The following KRT6C variants were observed in gnomAD, a reference collection of about 807,000 sequenced individuals.
KRT6C encodes keratin, type II cytoskeletal 6C.
A neutral mutation model predicts 49.4 loss-of-function variants in KRT6C; 46 were observed. The ratio of observed to expected loss-of-function variants is 0.93; its 90% confidence interval spans 0.74 to 1.19. The LOEUF (loss-of-function observed/expected upper bound fraction) is 1.19, where lower values mean the gene tolerates loss of function less well. KRT6C is among the 50% of genes most tolerant of loss of function. KRT6C has a pLI of 0.00. For synonymous variants in KRT6C, 236 were observed against 297.1 expected, an observed-to-expected ratio of 0.79 and a Z score of 2.12; for missense variants, 552 against 737.5, an observed-to-expected ratio of 0.75 and a Z score of 2.91.
At chr12:52,472,646 A>C (rs1391601646) in intron 1 of KRT6C, among the ~76,000 whole-genome samples, 1 of 135,340 alleles carries the variant, frequency 7.4e-6, no homozygotes, top group Admixed American at 7.5e-5. Context: ...GAGAGATATT[A>C]TATGTTGACT....
Position 52,469,154 on chromosome 12 carries a change from T to G in KRT6C, c.1603A>C (p.Ile535Leu). The G allele has an allele frequency of 2.5e-6, 4 of 1,613,970 alleles. No homozygotes were observed. The South Asian group carries it at 4.4e-5, about 18-fold the overall frequency. ...CCAACAGAGCTGAGGCCACCCCCAA[T>G]GGCTCTGCCACTGCTGGAACTGAAG... ...GGFSSSSGRA[I>L]GGGLSSVGGG... Residue 535 changes from isoleucine (I) to leucine (L), a missense_variant, in exon 9 of 9, where the codon ATT becomes CTT. Physicochemically the swap from Ile to Leu is conservative, Grantham distance 5 (BLOSUM62 2). This residue lies in a region of KRT6C where 425 missense variants were observed against 439.4 expected (regional missense o/e 0.97). Transcript: ENST00000252250.
At chr12:52,470,135 GGA>G in intron 6 of KRT6C, 3 of 625,220 alleles carry the variant, frequency 4.8e-6, no homozygotes, top group Non-Finnish European at 8.3e-6. Flanking sequence ...ACACTACAAT[GGA>G]CCCAAAAACA....
Position 52,472,126 on chromosome 12 carries a change from C to T in KRT6C, c.695G>A (p.Arg232Gln), listed in dbSNP as rs370835586. The T allele has an allele frequency of 5.0e-5, 79 of 1,576,958 alleles. 1 individual carries two copies. The highest frequency in any genetic ancestry group is 1.7e-4 in the Middle Eastern group (1 of 5,888). ...TCTCAGCTCCGAGTCCAGGCGGCCC[C>T]GTTCCCCGACGATGCTGTCCAGCTG... ...RRQLDSIVGE[R>Q]GRLDSELRNM... is the part of the protein sequence containing the mutation. The change falls in exon 2 of 9, where the codon CGG becomes CAG. Residue 232 changes from arginine (R) to glutamine (Q), a missense_variant. Physicochemically the swap from Arg to Gln is conservative, Grantham distance 43. Transcript: ENST00000252250.
Position 52,469,240 on chromosome 12 carries a change from C to T in KRT6C, c.1517G>A (p.Gly506Asp). ...GCTGCTTCCTCCACCCAGGCCTAAGCCACTGCCGACACCGCTGGCACCGCC... is the reference window on the plus strand; with the variant it reads ...GCTGCTTCCTCCACCCAGGCCTAAGTCACTGCCGACACCGCTGGCACCGCC... ...GYGGASGVGS[G>D]LGLGGGSSYS... Residue 506 changes from glycine (G) to aspartate (D), a missense_variant, in exon 9 of 9, where the codon GGC becomes GAC. This residue lies in a region of KRT6C where 425 missense variants were observed against 439.4 expected (regional missense o/e 0.97). Coordinates refer to ENST00000252250, the MANE Select transcript of KRT6C (RefSeq NM_173086.5). 1.2e-6 allele frequency: 2 copies of T among 1,613,934 alleles called. No homozygotes were observed. The highest frequency in any genetic ancestry group is 8.5e-7 in the Non-Finnish European group (1 of 1,179,830).
Position 52,473,782 on chromosome 12 carries a change from G to A in KRT6C, c.-45C>T. 1 of 1,613,884 alleles carries A rather than the reference G, an allele frequency of 6.2e-7. No individual in the cohort carries two copies. Among genetic ancestry groups the A allele is most frequent in the Non-Finnish European group, 8.5e-7 (1 of 1,179,976 alleles). On this transcript the variant is annotated 5_prime_UTR_variant, in exon 1 of 9. Coordinates refer to ENST00000252250, the MANE Select transcript of KRT6C (RefSeq NM_173086.5). ...GCTGTGGCGAGCGTTGGAGGCTGGA[G>A]GCGAGAGGCAGGAGAAGCAGGACAA...
Position 52,469,095 on chromosome 12 carries a change from G to C in KRT6C, c.1662C>G (p.Thr554=). 1 of 1,614,090 alleles carries C rather than the reference G, an allele frequency of 6.2e-7. No individual in the cohort carries two copies. The highest frequency in any genetic ancestry group is 8.5e-7 in the Non-Finnish European group (1 of 1,179,972). ...TGTAGCTCTTCCTGCTGGAGGAGGA[G>C]GTGGTGGTGTACTTGATGGTGGAAC... ...GGSSTIKYTT[T]SSSSRKSYKH The change falls in exon 9 of 9, where the codon ACC becomes ACG. Residue 554 remains threonine (T), a synonymous_variant. Coordinates refer to ENST00000252250, the MANE Select transcript of KRT6C (RefSeq NM_173086.5).
intron 7 of KRT6C, 99 bp from the exon 8 acceptor site, chr12:52,469,544 T>C: frequency 9.9e-6 from 16 of 1,612,666 alleles, no homozygotes; most frequent in Non-Finnish European, 1.3e-5. Context: ...CATGGGAAAC[T>C]GCTCTTTTAG....
Position 52,470,581 on chromosome 12 carries a change from T to C in KRT6C, c.1127A>G (p.Asn376Ser). Residue 376 changes from asparagine to serine, a missense_variant, in exon 6 of 9, where the codon AAC (asparagine) becomes AGC (serine). Transcript: ENST00000252250. ...TAGRHGDDLR[N>S]TKQEIAEINR... ...GATCTCAGCAATCTCCTGCTTGGTG[T>C]TGCGCAGGTCGTCCCCATGTCTGCC... The C allele has an allele frequency of 6.2e-7, 1 of 1,614,048 alleles. No homozygotes were observed. Among genetic ancestry groups the C allele is most frequent in the Non-Finnish European group, 8.5e-7 (1 of 1,180,018 alleles).
rs182926030 is a variant in KRT6C at position 52,471,209 on chromosome 12, T to C, written c.1000A>G (p.Ile334Val). Reference protein sequence around the residue: ...NNRNLDLDSIIAEVKAQYEEI... With the variant: ...NNRNLDLDSIVAEVKAQYEEI... The stretch of plus-strand genomic sequence containing the variant: ...TCGTATTGGGCCTTGACCTCAGCGA[T>C]GATGCTGTCCAGGTCCAGGTTGCGG... The change falls in exon 5 of 9, where the codon ATC becomes GTC. Residue 334 changes from isoleucine to valine, a missense_variant. Transcript: ENST00000252250. The C allele has an allele frequency of 6.2e-7, 1 of 1,614,206 alleles. No individual in the cohort carries two copies.
Position 52,471,416 on chromosome 12 carries a change from C to A in KRT6C, c.912+5G>T, listed in dbSNP as rs544236255. The A allele has an allele frequency of 2.5e-5, 40 of 1,614,006 alleles. 1 individual carries two copies. The highest frequency in any genetic ancestry group is 3.1e-5 in the Non-Finnish European group (37 of 1,179,936). ...AGTAAACAGAAGGATGGTGGAGATG[C>A]TTACTGCATCATACAAGGCTCTCAG... On this transcript the variant is annotated splice_donor_5th_base_variant and intron_variant, in intron 4 of 8. Transcript: ENST00000252250.
chr12:52,472,144 T>C lies in KRT6C; in HGVS notation c.677A>G (p.Asp226Gly). The C allele has an allele frequency of 6.6e-7, 1 of 1,522,338 alleles. No individual in the cohort carries two copies. Among genetic ancestry groups the C allele is most frequent in the Non-Finnish European group, 9.1e-7 (1 of 1,104,046 alleles). 94.3% of individuals were successfully genotyped at this position (1,522,338 alleles called of 1,614,324 possible). The part of the protein sequence containing the change: ...QYINNLRRQL[D>G]SIVGERGRLD... ...GCGGCCCCGTTCCCCGACGATGCTG[T>C]CCAGCTGCCTCCTGAGGTTGTTGAT... The change falls in exon 2 of 9, where the codon GAC (aspartate) becomes GGC (glycine). Residue 226 changes from aspartate (D) to glycine (G), a missense_variant. Transcript: ENST00000252250.
At chr12:52,469,970 C>T in intron 6 of KRT6C, 80 bp from the exon 7 acceptor site, 2 of 1,498,966 alleles carry the variant, frequency 1.3e-6, no homozygotes. Context: ...AACCAGGGTC[C>T]TGTAACCCAA....
chr12:52,473,023 TG>T (rs1937914553), intron 1 of KRT6C, among the ~76,000 whole-genome samples, 174 bp downstream of exon 1: 2 of 149,544 alleles, frequency 1.3e-5, no homozygotes, highest in Admixed American at 6.7e-5. Flanking sequence ...AGAGATCCCA[TG>T]GGGGAGTGAT....
In KRT6C at chr12:52,469,461, C is replaced by A; in HGVS notation, c.1425-16G>T. On this transcript the variant is annotated splice_polypyrimidine_tract_variant and intron_variant, in intron 7 of 8. Transcript: ENST00000252250. ...GCCATTCAGCCTGTGGAGAGGAACA[C>A]AGGGAGGGTGAGACCTCAGAGAGCT... The A allele has an allele frequency of 6.2e-7, 1 of 1,613,950 alleles. No individual in the cohort carries two copies. Among genetic ancestry groups the A allele is most frequent in the Non-Finnish European group, 8.5e-7 (1 of 1,179,846 alleles).
chr12:52,470,228 G>T (rs1213688724), intron 6 of KRT6C: 4 of 601,568 alleles, frequency 6.6e-6, no homozygotes, highest in Non-Finnish European at 2.9e-6. Flanking sequence ...AATACATCTG[G>T]ATGCCACATT....
chr12:52,469,597 C>T, intron 7 of KRT6C, 73 bp downstream of exon 7: 1 of 1,613,480 alleles, frequency 6.2e-7, no homozygotes, highest in South Asian at 1.1e-5. Context: ...GCAGTGCACC[C>T]TAGAATTGTG....
Position 52,468,875 on chromosome 12 carries a change from G to A in KRT6C, c.*187C>T, listed in dbSNP as rs1022085580. ...TAAAATCAAAGGTTGATCTGATGGT[G>A]AGCAATGGGTGCTCAGATGGGGCAG... On this transcript the variant is annotated 3_prime_UTR_variant, in exon 9 of 9. Transcript: ENST00000252250. The A allele has an allele frequency of 1.1e-4, 73 of 664,466 alleles. No individual in the cohort carries two copies. Among genetic ancestry groups the A allele is most frequent in the Middle Eastern group, 4.2e-4 (1 of 2,400 alleles). The allele number at this position is 664,466 out of a possible 1,614,324, so 41.2% of individuals were successfully genotyped here. A position where few individuals can be genotyped will look rare whatever the true frequency, so the allele number is the denominator to read the frequency against.
In KRT6C at chr12:52,469,018, A is replaced by T; in HGVS notation, c.*44T>A. On this transcript the variant is annotated 3_prime_UTR_variant, in exon 9 of 9. Coordinates refer to ENST00000252250, the MANE Select transcript of KRT6C (RefSeq NM_173086.5). ...CCTGAGGAGACGGCTCTGCAGCCAG[A>T]GAAGGGCCTGAGGACTGTGGGACCG... The T allele has an allele frequency of 6.2e-7, 1 of 1,613,462 alleles. No homozygotes were observed. The highest frequency in any genetic ancestry group is 8.5e-7 in the Non-Finnish European group (1 of 1,179,606).
rs1937932335 is a variant in KRT6C, at chr12:52,473,634, C to T, written c.104G>A (p.Ser35Asn). 6.2e-7 allele frequency: 1 copy of T among 1,611,358 alleles called. No individual in the cohort carries two copies. The highest frequency in any genetic ancestry group is 1.3e-5 in the African/African-American group (1 of 74,424). ...LPGVSRSGFS[S>N]ISVSRSRGSG... is the part of the protein sequence containing the mutation. ...GCCCCTGGAGCGGGACACGGAGATG[C>T]TGCTGAAGCCAGAGCGGCTGACCCC... The change falls in exon 1 of 9, where the codon AGC becomes AAC. Residue 35 changes from serine to asparagine, a missense_variant. By Grantham distance (46) the Ser-to-Asn change is conservative (BLOSUM62 1). Transcript: ENST00000252250.
Sources: allele counts gnomAD v4.1 joint callset (sites outside exome capture counted in the v4.1 genomes callset), GRCh38; gene constraint gnomAD v4.1.1; regional missense constraint gnomAD v4.1.1; transcripts MANE v1.5; gene names NCBI Gene and HGNC (gene_info 2026-07-23, HGNC 2026-07-21).